The following PDE4B variants were observed in gnomAD, a reference collection of about 807,000 sequenced individuals.
PDE4B encodes phosphodiesterase 4B, also known as 3',5'-cyclic-AMP phosphodiesterase 4B.
In PDE4B, 20 loss-of-function variants were observed where a neutral mutation model predicts 82.2. That is an observed-to-expected ratio of 0.24 (90% CI 0.17 to 0.35). PDE4B has a LOEUF of 0.35. Ranked by LOEUF, PDE4B falls within the 10% of genes least tolerant of loss-of-function variation. The pLI, the probability that PDE4B is intolerant of heterozygous loss-of-function variation, is 1.00. For missense variants in PDE4B, 655 were observed against 907.2 expected (o/e 0.72, Z 3.57); for synonymous variants, 320 against 318.9 (o/e 1.00, Z -0.04).
chr1:65,971,202 G>A (rs1650111231), intron 3 of PDE4B, among the ~76,000 whole-genome samples: 1 of 151,862 alleles, frequency 6.6e-6, no homozygotes. Flanking sequence ...AGCTTAATTT[G>A]CCAGTGACTA....
chr1:66,372,562 C>T lies in PDE4B; in HGVS notation c.2095C>T (p.His699Tyr). 1 of 1,614,144 alleles carries T rather than the reference C, an allele frequency of 6.2e-7. No individual in the cohort carries two copies. The highest frequency in any genetic ancestry group is 8.5e-7 in the Non-Finnish European group (1 of 1,180,014). Residue 699 changes from histidine (H) to tyrosine (Y), a missense_variant, in exon 17 of 17, where the codon CAC (histidine) becomes TAC (tyrosine). His to Tyr is a moderately conservative substitution (Grantham distance 83). Transcript: ENST00000341517. Reference sequence around the variant, plus strand: ...AGGACCTGAGAAGGAGGGAGAGGGACACAGCTATTTCAGCAGCACAAAGAC... The same window carrying T: ...AGGACCTGAGAAGGAGGGAGAGGGATACAGCTATTTCAGCAGCACAAAGAC... ...SEGPEKEGEG[H>Y]SYFSSTKTLC...
intron 3 of PDE4B, among the ~76,000 whole-genome samples, chr1:66,073,773 A>G (rs1392817): frequency 0.51 from 77,733 of 151,998 alleles, 19,951 homozygotes; most frequent in East Asian, 0.58. Flanking sequence ...TGTGGACCAT[A>G]TTTGAACACT....
rs76656653 is a variant in PDE4B at position 66,114,141 on chromosome 1, C to T, written c.282-133319C>T. 3.5e-3 allele frequency among the ~76,000 whole-genome samples: 540 copies of T among 152,218 alleles called. 5 individuals are homozygous for T. Among genetic ancestry groups the T allele is most frequent in the African/African-American group, 0.012 (510 of 41,536 alleles). ...CGAGAGAGTTGCCATGGCCCTTCCA[C>T]GATGTGAGGACACAACAAGGAGGCG... is the stretch of plus-strand genomic sequence containing the variant. On this transcript the variant is annotated intron_variant, in intron 3 of 16. Transcript: ENST00000341517.
intron 3 of PDE4B, among the ~76,000 whole-genome samples, chr1:66,109,535 A>C (rs114737553): frequency 0.012 from 1,773 of 152,000 alleles, 38 homozygotes; most frequent in African/African-American, 0.042. Flanking sequence ...TTAACTGCAT[A>C]GTATTAGTTT....
intron 3 of PDE4B, among the ~76,000 whole-genome samples, chr1:66,058,421 C>T (rs1271676115): frequency 6.6e-6 from 1 of 152,212 alleles, no homozygotes; most frequent in Admixed American, 6.5e-5. Flanking sequence ...ATAGGCAGTG[C>T]CCCAGTAGGG....
At chr1:65,842,873 A>G (rs1646224412) in intron 1 of PDE4B, among the ~76,000 whole-genome samples, 1 of 152,228 alleles carries the variant, frequency 6.6e-6, no homozygotes, top group South Asian at 2.1e-4. Flanking sequence ...CAGAAGAGAC[A>G]TTGACATTCT....
At chr1:65,964,542 T>C (rs548871843) in intron 3 of PDE4B, among the ~76,000 whole-genome samples, 1 of 152,342 alleles carries the variant, frequency 6.6e-6, no homozygotes, top group Non-Finnish European at 1.5e-5. Flanking sequence ...TGTCCATTAA[T>C]GTCCTGGCTA....
intron 7 of PDE4B, among the ~76,000 whole-genome samples, chr1:66,269,020 T>C (rs1655268804): frequency 6.6e-6 from 1 of 152,212 alleles, no homozygotes; most frequent in South Asian, 2.1e-4. Flanking sequence ...AAGTGTTGAA[T>C]TGACCGGGAA....
rs1367290540 is a variant in PDE4B at position 66,374,507 on chromosome 1, T to C, written c.*1829T>C. 6.6e-6 allele frequency: 1 copy of C among 152,638 alleles called. No individual in the cohort carries two copies. The highest frequency in any genetic ancestry group is 1.5e-5 in the Non-Finnish European group (1 of 68,038). The allele number at this position is 152,638 out of a possible 1,614,324, so 9.5% of individuals were successfully genotyped here. A position where few individuals can be genotyped will look rare whatever the true frequency, so the allele number is the denominator to read the frequency against. On this transcript the variant is annotated 3_prime_UTR_variant, in exon 17 of 17. Transcript: ENST00000341517. Reference sequence around the variant, plus strand: ...CACAATGTATGTTATAGTATTATTATTATATATTGTGTTCAAATGCATTCT... The same window carrying C: ...CACAATGTATGTTATAGTATTATTACTATATATTGTGTTCAAATGCATTCT...
chr1:66,283,857 T>A (rs1656470322), intron 7 of PDE4B, among the ~76,000 whole-genome samples: 1 of 152,104 alleles, frequency 6.6e-6, no homozygotes, highest in Non-Finnish European at 1.5e-5. Context: ...GGGTTTTCTG[T>A]GTCAGAGAGA....
chr1:65,859,431 T>C (rs1646429250), intron 1 of PDE4B, among the ~76,000 whole-genome samples: 1 of 152,174 alleles, frequency 6.6e-6, no homozygotes, highest in Admixed American at 6.5e-5. Context: ...ATTTACCTTT[T>C]AGGTGAATGT....
intron 3 of PDE4B, among the ~76,000 whole-genome samples, chr1:65,968,413 T>C (rs1385735677): frequency 6.6e-6 from 1 of 152,140 alleles, no homozygotes; most frequent in African/African-American, 2.4e-5. Context: ...AACAGGCCTG[T>C]AAACAAGGCA....
chr1:66,356,120 A>G (rs945887144), intron 9 of PDE4B, among the ~76,000 whole-genome samples: 2 of 152,214 alleles, frequency 1.3e-5, no homozygotes, highest in Admixed American at 6.6e-5. Flanking sequence ...TAATTTGACT[A>G]TTGCTTTGCT....
intron 3 of PDE4B, among the ~76,000 whole-genome samples, chr1:66,110,602 A>G (rs1182307329): frequency 6.6e-6 from 1 of 152,084 alleles, no homozygotes; most frequent in African/African-American, 2.4e-5. Context: ...CTGAAATTTA[A>G]CCATCTGTGT....
At chr1:65,844,436 C>T (rs530849741) in intron 1 of PDE4B, among the ~76,000 whole-genome samples, 3 of 152,266 alleles carry the variant, frequency 2.0e-5, no homozygotes, top group African/African-American at 7.2e-5. Context: ...CAGAGCTGGA[C>T]TCTCGCAGAC....
At chr1:66,216,158 G>T (rs1406194758) in intron 3 of PDE4B, among the ~76,000 whole-genome samples, 1 of 151,390 alleles carries the variant, frequency 6.6e-6, no homozygotes, top group Non-Finnish European at 1.5e-5. Flanking sequence ...ATTTCTGATT[G>T]AAATACCCTC....
At chr1:65,983,179 G>C (rs559386570) in intron 3 of PDE4B, among the ~76,000 whole-genome samples, 3 of 152,304 alleles carry the variant, frequency 2.0e-5, no homozygotes, top group East Asian at 3.9e-4. Flanking sequence ...TTTCAAATCA[G>C]ATAACTCATT....
intron 3 of PDE4B, among the ~76,000 whole-genome samples, chr1:66,148,466 T>C (rs982612009): frequency 2.0e-5 from 3 of 152,172 alleles, no homozygotes; most frequent in Admixed American, 2.0e-4. Flanking sequence ...CTTTCTATAG[T>C]TTGTTGTTTT....
intron 3 of PDE4B, among the ~76,000 whole-genome samples, chr1:65,974,390 T>A (rs1557470079): frequency 1.3e-5 from 2 of 152,192 alleles, no homozygotes; most frequent in Non-Finnish European, 2.9e-5. Context: ...ATTTTTAAGT[T>A]GGCTCATTAT....
Sources: allele counts gnomAD v4.1 joint callset (sites outside exome capture counted in the v4.1 genomes callset), GRCh38; gene constraint gnomAD v4.1.1; transcripts MANE v1.5; gene names NCBI Gene and HGNC (gene_info 2026-07-23, HGNC 2026-07-21).